STARD13: variants seen among roughly 807,000 people sequenced by gnomAD.
STARD13 encodes the protein stAR-related lipid transfer protein 13.
A neutral mutation model predicts 106.4 loss-of-function variants in STARD13; 62 were observed. The ratio of observed to expected loss-of-function variants is 0.58; its 90% CI spans 0.48 to 0.72. STARD13 has a LOEUF of 0.72. Among genes scored for constraint, STARD13 ranks in the 30% least tolerant of loss-of-function variants. The probability of loss-of-function intolerance (pLI) is 0.00; values close to 1 mark genes in which losing one functional copy is unlikely to be tolerated. For synonymous variants in STARD13, 565 were observed against 553.0 expected (o/e 1.02, Z -0.31); for missense variants, 1,387 against 1,424.0 (o/e 0.97, Z 0.42).
chr13:33,659,238 T>C, the STARD13 span, among the ~76,000 whole-genome samples: 25 of 148,444 alleles, frequency 1.7e-4, no homozygotes, highest in Middle Eastern at 3.5e-3. Context: ...TTTTTTTTTA[T>C]GAAGTCTTGC....
intron 3 of STARD13, among the ~76,000 whole-genome samples, chr13:33,162,726 C>T (rs559915241): frequency 2.6e-5 from 4 of 151,418 alleles, no homozygotes; most frequent in African/African-American, 9.7e-5. Context: ...CAACCTCAAC[C>T]TGGACTTTAT....
chr13:33,131,174 G>A (rs1008826602), intron 4 of STARD13, among the ~76,000 whole-genome samples: 3 of 152,210 alleles, frequency 2.0e-5, no homozygotes, highest in African/African-American at 7.2e-5. Context: ...CGCAGACCTT[G>A]ACCTAGAGCA....
chr13:33,279,748 C>T (rs909365992), intron 1 of STARD13: 4 of 152,160 alleles, frequency 2.6e-5, no homozygotes, highest in African/African-American at 9.7e-5. Context: ...GCATATTGTC[C>T]TTTTGTTAAT....
At chr13:33,196,051 T>A (rs944456036) in intron 1 of STARD13, among the ~76,000 whole-genome samples, 1 of 152,236 alleles carries the variant, frequency 6.6e-6, no homozygotes, top group Non-Finnish European at 1.5e-5. Context: ...AGAAATGTTA[T>A]CTGTGTTTAA....
Position 33,112,648 on chromosome 13 carries a change from C to T in STARD13, c.2492+73G>A. The T allele has an allele frequency of 2.5e-6, 3 of 1,193,274 alleles. 1 individual carries two copies. The South Asian group carries it at 4.6e-5, about 18-fold the overall frequency. 73.9% of individuals were successfully genotyped at this position (1,193,274 alleles called of 1,614,324 possible). ...ATTCGTATCTATCTATCCATCCATC[C>T]ATCCATCCAGTCTTATGAACTGTGG... On this transcript the variant is annotated intron_variant, in intron 9 of 13. Transcript: ENST00000336934.
the STARD13 span, among the ~76,000 whole-genome samples, chr13:33,583,809 T>A: frequency 6.6e-6 from 1 of 152,084 alleles, no homozygotes; most frequent in Non-Finnish European, 1.5e-5. Context: ...CATAACAATT[T>A]TTTTTTTGAG....
the STARD13 span, among the ~76,000 whole-genome samples, chr13:33,546,173 C>A: frequency 6.6e-6 from 1 of 152,064 alleles, no homozygotes; most frequent in East Asian, 1.9e-4. Context: ...GATTTTCTTT[C>A]AAAAATAATT....
the STARD13 span, among the ~76,000 whole-genome samples, chr13:33,412,828 C>G: frequency 1.3e-5 from 2 of 151,806 alleles, no homozygotes; most frequent in African/African-American, 4.8e-5. Flanking sequence ...ATTGATAGAA[C>G]AAAAAGGAAA....
chr13:33,269,275 T>C (rs1378957981), intron 1 of STARD13, among the ~76,000 whole-genome samples: 6 of 152,214 alleles, frequency 3.9e-5, no homozygotes, highest in Non-Finnish European at 7.4e-5. Flanking sequence ...ATATCAAAAC[T>C]ATCAAACAAA....
chr13:33,541,983 A>C, the STARD13 span, among the ~76,000 whole-genome samples: 1 of 152,222 alleles, frequency 6.6e-6, no homozygotes, highest in Non-Finnish European at 1.5e-5. Flanking sequence ...GCTTTCCTTT[A>C]AAATTTGATA....
At chr13:33,435,230 C>G in the STARD13 span, among the ~76,000 whole-genome samples, 1 of 152,088 alleles carries the variant, frequency 6.6e-6, no homozygotes, top group Non-Finnish European at 1.5e-5. Context: ...GAACTTTGCC[C>G]GGAAGAAGTC....
intron 1 of STARD13, chr13:33,335,235 A>C (rs1324434429): frequency 6.6e-6 from 1 of 152,248 alleles, no homozygotes; most frequent in African/African-American, 2.4e-5. Context: ...AACCACTGTT[A>C]TATTACATTC....
rs116072213 is a variant in STARD13 at position 33,120,058 on chromosome 13, C to T, written c.2083-1795G>A. 3.2e-3 allele frequency among the ~76,000 whole-genome samples: 492 copies of T among 152,342 alleles called. 2 individuals carry two copies. Among genetic ancestry groups the T allele is most frequent in the African/African-American group, 0.011 (466 of 41,570 alleles). Reference sequence around the variant, plus strand: ...AGGACTGTGCACACCACAGGGCTGGCTGTGCTGTACGAGAGTTCTCATAAT... The same window carrying T: ...AGGACTGTGCACACCACAGGGCTGGTTGTGCTGTACGAGAGTTCTCATAAT... On this transcript the variant is annotated intron_variant, in intron 7 of 13. Transcript: ENST00000336934.
At chr13:33,346,890 A>G (rs1566152267), downstream of STARD13, among the ~76,000 whole-genome samples, 1 of 151,974 alleles carries the variant, frequency 6.6e-6, no homozygotes, top group Non-Finnish European at 1.5e-5. Flanking sequence ...CACCTGCCTC[A>G]GCCTCCCAAA....
At chr13:33,515,805 A>G in the STARD13 span, among the ~76,000 whole-genome samples, 1 of 152,140 alleles carries the variant, frequency 6.6e-6, no homozygotes, top group Non-Finnish European at 1.5e-5. Context: ...AATGGGCTGA[A>G]GGCTGTAGAG....
intron 4 of STARD13, among the ~76,000 whole-genome samples, chr13:33,134,331 T>C (rs922382962): frequency 6.6e-6 from 1 of 152,234 alleles, no homozygotes; most frequent in Non-Finnish European, 1.5e-5. Flanking sequence ...TTTATGAATT[T>C]GTGTTGGGGC....
the STARD13 span, among the ~76,000 whole-genome samples, chr13:33,592,253 T>C: frequency 6.6e-6 from 1 of 152,236 alleles, no homozygotes; most frequent in Admixed American, 6.5e-5. Flanking sequence ...TCCATGCGTA[T>C]GAATCAAATC....
At chr13:33,556,760 A>G in the STARD13 span, among the ~76,000 whole-genome samples, 1 of 151,988 alleles carries the variant, frequency 6.6e-6, no homozygotes, top group Non-Finnish European at 1.5e-5. Flanking sequence ...TAAGGAAAGC[A>G]TACAACTTTT....
At chr13:33,264,992 T>C (rs1310322025) in intron 1 of STARD13, among the ~76,000 whole-genome samples, 1 of 152,188 alleles carries the variant, frequency 6.6e-6, no homozygotes, top group Non-Finnish European at 1.5e-5. Flanking sequence ...GCTGAGAGAA[T>C]AGCAGAATGT....
Sources: gnomAD v4.1 joint callset for allele counts (sites outside exome capture counted in the v4.1 genomes callset) on GRCh38, gnomAD v4.1.1 for gene constraint, MANE v1.5 for transcripts, NCBI Gene and HGNC (gene_info 2026-07-23, HGNC 2026-07-21) for gene names.